The following DNAAF4 variants were observed in gnomAD, a reference collection of about 807,000 sequenced individuals.
DNAAF4 encodes dynein axonemal assembly factor 4.
Under a neutral mutation model 51.8 loss-of-function variants are expected in DNAAF4, and 43 were observed. That is an observed-to-expected ratio of 0.83 (90% confidence interval 0.65 to 1.07). The LOEUF (loss-of-function observed/expected upper bound fraction) is 1.07, where lower values mean the gene tolerates loss of function less well. DNAAF4 is among the 50% of genes least tolerant of loss of function. The pLI, the probability that DNAAF4 is intolerant of heterozygous loss-of-function variation, is 0.00. For synonymous variants in DNAAF4, 194 were observed against 165.6 expected, an observed-to-expected ratio of 1.17 and a Z score of -1.32; for missense variants, 581 against 493.0, an observed-to-expected ratio of 1.18 and a Z score of -1.69.
At chr15:55,480,775 A>C (rs1156425353) in intron 4 of DNAAF4, among the ~76,000 whole-genome samples, 1 of 152,186 alleles carries the variant, frequency 6.6e-6, no homozygotes, top group Non-Finnish European at 1.5e-5. Flanking sequence ...ACACTGCCCA[A>C]AGTATGCCTT....
chr15:55,466,539 T>C (rs190602536), intron 5 of DNAAF4, among the ~76,000 whole-genome samples: 16 of 152,364 alleles, frequency 1.1e-4, no homozygotes, highest in African/African-American at 3.6e-4. Flanking sequence ...TCCTAAGTGA[T>C]GTGAGGAAAA....
chr15:55,467,009 C>T lies in DNAAF4; in HGVS notation c.558G>A (p.Lys186=). Residue 186 remains lysine, a synonymous_variant, in exon 5 of 10, where the codon AAG becomes AAA. Coordinates refer to ENST00000321149, the MANE Select transcript of DNAAF4 (RefSeq NM_130810.4). ...TTTTTTTTCTTTCTTCTTTAATTTG[C>T]TTTTCTTTTTGACATAATTTCTCTT... The part of the protein sequence containing the change: ...QREEKLCQKE[K]QIKEERKKIK... The T allele has an allele frequency of 1.3e-6, 2 of 1,574,476 alleles. No individual in the cohort carries two copies. The highest frequency in any genetic ancestry group is 2.3e-5 in the East Asian group (1 of 43,494).
intron 5 of DNAAF4, among the ~76,000 whole-genome samples, chr15:55,464,196 AG>A (rs1358099485): frequency 4.6e-5 from 7 of 152,328 alleles, no homozygotes; most frequent in African/African-American, 1.7e-4. Context: ...AAAACCATAA[AG>A]TGGGGAAAGG....
intron 6 of DNAAF4, 78 bp from the exon 7 acceptor site, chr15:55,439,659 C>T (rs2057675422): frequency 1.6e-6 from 2 of 1,267,748 alleles, no homozygotes; most frequent in South Asian, 1.3e-5. Flanking sequence ...TTTCCATCTT[C>T]CTCCAGTGGA....
chr15:55,457,160 G>T (rs558341388), intron 5 of DNAAF4, among the ~76,000 whole-genome samples: 1 of 152,264 alleles, frequency 6.6e-6, no homozygotes, highest in South Asian at 2.1e-4. Context: ...ATAGTCTGGG[G>T]CAAGATCTCA....
At chr15:55,422,138 G>GTAAAATATATAT (rs2057393846) in intron 7 of DNAAF4, among the ~76,000 whole-genome samples, 3 of 151,870 alleles carry the variant, frequency 2.0e-5, no homozygotes, top group Admixed American at 2.0e-4. Context: ...AATATATATG[G>GTAAAATATATAT]CTAGATGTAT....
intron 6 of DNAAF4, chr15:55,443,193 G>T: frequency 1.2e-6 from 2 of 1,609,796 alleles, no homozygotes; most frequent in South Asian, 2.2e-5. Context: ...TTAGGTCCTT[G>T]TTCCAGCTGG....
intron 5 of DNAAF4, among the ~76,000 whole-genome samples, chr15:55,454,182 T>C (rs1595912257): frequency 6.6e-6 from 1 of 151,430 alleles, no homozygotes; most frequent in African/African-American, 2.4e-5. Context: ...ACATCTGTAG[T>C]CCCAGCTACT....
At chr15:55,495,843 G>C (rs938311253) in intron 3 of DNAAF4, among the ~76,000 whole-genome samples, 1 of 152,212 alleles carries the variant, frequency 6.6e-6, no homozygotes, top group African/African-American at 2.4e-5. Flanking sequence ...AAGCAGTAGA[G>C]GACAATTACT....
intron 6 of DNAAF4, among the ~76,000 whole-genome samples, chr15:55,449,904 A>G (rs1242296915): frequency 1.3e-5 from 2 of 151,536 alleles, no homozygotes; most frequent in Admixed American, 1.3e-4. Context: ...TCCCCATGTT[A>G]GTCAGGTTGG....
intron 8 of DNAAF4, among the ~76,000 whole-genome samples, chr15:55,433,769 A>ATAAAACAAATATATATAT (rs2057537327): frequency 8.6e-6 from 1 of 115,718 alleles, no homozygotes; most frequent in African/African-American, 3.3e-5. Flanking sequence ...AATATATATA[A>ATAAAACAAATATATATAT]TTGTTTTTAT....
rs181872799 is a variant in DNAAF4, at chr15:55,496,839, T to C, written c.271+873A>G. On this transcript the variant is annotated intron_variant, in intron 3 of 9. Coordinates refer to ENST00000321149, the MANE Select transcript of DNAAF4 (RefSeq NM_130810.4). ...AGCGATCATTTTGAGTTAAAGGCACTTGAAAGCAGCAAATGCAGGGAGAGG... is the reference window on the plus strand; with the variant it reads ...AGCGATCATTTTGAGTTAAAGGCACCTGAAAGCAGCAAATGCAGGGAGAGG... Among the ~76,000 whole-genome samples, 665 of 152,256 alleles carry C rather than the reference T, an allele frequency of 4.4e-3. 5 individuals are homozygous for C. The highest frequency in any genetic ancestry group is 7.7e-3 in the Non-Finnish European group (526 of 68,022).
chr15:55,448,354 A>G (rs2057872083), intron 6 of DNAAF4, among the ~76,000 whole-genome samples: 1 of 151,788 alleles, frequency 6.6e-6, no homozygotes, highest in Non-Finnish European at 1.5e-5. Context: ...TTCATCCAGG[A>G]TATTGATCTA....
At chr15:55,418,955 C>T (rs1488069927) in intron 7 of DNAAF4, among the ~76,000 whole-genome samples, 5 of 144,360 alleles carry the variant, frequency 3.5e-5, no homozygotes, top group Non-Finnish European at 7.5e-5. Context: ...GTTGGAGTCT[C>T]GCTCTGTCGC....
rs374961378 is a variant in DNAAF4, at chr15:55,498,295, T to A, written c.35A>T (p.Gln12Leu). The change falls in exon 2 of 10, where the codon CAG becomes CTG. Residue 12 changes from glutamine to leucine, a missense_variant. Physicochemically the swap from Gln to Leu is moderately radical, Grantham distance 113. Transcript: ENST00000321149. ...PLQVSDYSWQ[Q>L]TKTAVFLSLP... ...AGACAGAAAGACCGCAGTCTTCGTC[T>A]GCTGCCAGCTGTAATCGCTAACCTG... 1.2e-6 allele frequency: 2 copies of A among 1,613,150 alleles called. No homozygotes were observed. Among genetic ancestry groups the A allele is most frequent in the Non-Finnish European group, 1.7e-6 (2 of 1,179,494 alleles).
At chr15:55,459,271 A>C (rs1332201698) in intron 5 of DNAAF4, among the ~76,000 whole-genome samples, 1 of 152,116 alleles carries the variant, frequency 6.6e-6, no homozygotes, top group Non-Finnish European at 1.5e-5. Context: ...TCATAACCAG[A>C]GGCGAGATAA....
intron 6 of DNAAF4, among the ~76,000 whole-genome samples, chr15:55,448,519 G>GGGGTGTGTGTGTGTGT: frequency 1.0e-5 from 1 of 99,890 alleles, no homozygotes; most frequent in South Asian, 3.8e-4. Flanking sequence ...AAAAAAAAAG[G>GGGGTGTGTGTGTGTGT]GTGTGTGTGT....
At chr15:55,438,025 C>T (rs1207506623) in intron 7 of DNAAF4, among the ~76,000 whole-genome samples, 1 of 152,106 alleles carries the variant, frequency 6.6e-6, no homozygotes, top group East Asian at 1.9e-4. Context: ...AAAATATGAA[C>T]ACAAATTGCC....
rs760038747 is a variant in DNAAF4, at chr15:55,441,373, G to A, written c.784-1792C>T. 2.7e-4 allele frequency among the ~76,000 whole-genome samples: 41 copies of A among 152,024 alleles called. 1 individual carries two copies. Among genetic ancestry groups the A allele is most frequent in the Non-Finnish European group, 2.1e-4 (14 of 68,010 alleles). ...GCGTGAGCCACCATGCCCAGCCCAT[G>A]TGATTATTATTTTATCTTTCTGGGT... On this transcript the variant is annotated intron_variant, in intron 6 of 9. Transcript: ENST00000321149.
Sources: allele counts gnomAD v4.1 joint callset (sites outside exome capture counted in the v4.1 genomes callset), GRCh38; gene constraint gnomAD v4.1.1; transcripts MANE v1.5; gene names NCBI Gene and HGNC (gene_info 2026-07-23, HGNC 2026-07-21).